MTHFD1: variants seen among roughly 807,000 people sequenced by gnomAD.
MTHFD1 encodes the protein methylenetetrahydrofolate dehydrogenase, cyclohydrolase and formyltetrahydrofolate synthetase 1.
In MTHFD1, 44 loss-of-function variants were observed where a neutral mutation model predicts 110.3. The observed-to-expected ratio is 0.40, with a 90% CI of 0.31 to 0.51. MTHFD1 has a LOEUF of 0.51. MTHFD1 is among the 20% of genes least tolerant of loss of function. The pLI, the probability that MTHFD1 is intolerant of heterozygous loss-of-function variation, is 0.60. For synonymous variants in MTHFD1, 402 were observed against 428.8 expected, an observed-to-expected ratio of 0.94 and a Z score of 0.77; for missense variants, 909 against 1,173.1, an observed-to-expected ratio of 0.77 and a Z score of 3.29.
chr14:64,422,059 G>A (rs1394567208), intron 8 of MTHFD1, among the ~76,000 whole-genome samples: 1 of 152,086 alleles, frequency 6.6e-6, no homozygotes, highest in Non-Finnish European at 1.5e-5. Flanking sequence ...GGTAGGAAAT[G>A]TTGACTTAAA....
chr14:64,415,724 C>T lies in MTHFD1; in HGVS notation c.463C>T (p.Leu155Phe). Residue 155 changes from leucine to phenylalanine, a missense_variant, in exon 6 of 28, where the codon CTC becomes TTC. Physicochemically the swap from Leu to Phe is conservative, Grantham distance 22. This residue lies in a region of MTHFD1 where 424 missense variants were observed against 510.4 expected (regional missense o/e 0.83). Transcript: ENST00000652337. ...IPCTPKGCLE[L>F]IKETGVPIAG... The stretch of plus-strand genomic sequence containing the variant: ...TTGTACGCCTAAGGGATGCTTGGAA[C>T]TCATCAAAGAGACAGGTAAAAACAA... The T allele has an allele frequency of 6.2e-7, 1 of 1,614,052 alleles. No homozygotes were observed. The highest frequency in any genetic ancestry group is 1.1e-5 in the South Asian group (1 of 91,072).
At position 64,443,178 on chromosome 14, in the gene MTHFD1, A is replaced by G. The variant is rs537357846; in HGVS notation, c.2136+776A>G. ...TTTTGGTCAGGGTTTGTCCTAATGT[A>G]GCAGTTCTCTGTTTTGGCCTCAGAA... On this transcript the variant is annotated intron_variant, in intron 21 of 27. Coordinates refer to ENST00000652337, the MANE Select transcript of MTHFD1 (RefSeq NM_005956.4). Among the ~76,000 whole-genome samples, 4 of 152,362 alleles carry G rather than the reference A, an allele frequency of 2.6e-5. No homozygotes were observed. The East Asian group carries it at 7.7e-4, about 29-fold the overall frequency.
chr14:64,388,498 G>C, intron 1 of MTHFD1, 30 bp downstream of exon 1: 3 of 1,605,810 alleles, frequency 1.9e-6, no homozygotes, highest in Non-Finnish European at 2.6e-6. Flanking sequence ...GTTGAGTGTG[G>C]GGCTGTGGAC....
At chr14:64,424,725 TCTG>T (rs1359574899) in intron 8 of MTHFD1, 76 bp from the exon 9 acceptor site, 5 of 1,533,228 alleles carry the variant, frequency 3.3e-6, no homozygotes, top group Non-Finnish European at 4.5e-6. Context: ...ACCCTACAAT[TCTG>T]CTGAGTTTTT....
chr14:64,423,197 A>G (rs757789382), intron 8 of MTHFD1, among the ~76,000 whole-genome samples: 24 of 152,068 alleles, frequency 1.6e-4, no homozygotes, highest in Non-Finnish European at 2.9e-4. Context: ...CATCCCAATG[A>G]GTTGTGTTGA....
chr14:64,454,812 T>C lies in MTHFD1; in HGVS notation c.2655T>C (p.Ile885=), dbSNP rs1177823217. The stretch of plus-strand genomic sequence containing the variant: ...AAAAAGGTGTCCCTACAGGCTTCAT[T>C]CTGCCCATTCGCGACATCCGCGCCA... The part of the protein sequence containing the change: ...PEQKGVPTGF[I]LPIRDIRASV... Residue 885 remains isoleucine (I), a synonymous_variant, in exon 26 of 28, where the codon ATT becomes ATC. Coordinates refer to ENST00000652337, the MANE Select transcript of MTHFD1 (RefSeq NM_005956.4). 1.2e-5 allele frequency: 19 copies of C among 1,614,112 alleles called. No homozygotes were observed. The highest frequency in any genetic ancestry group is 1.6e-5 in the Non-Finnish European group (19 of 1,180,046).
intron 2 of MTHFD1, among the ~76,000 whole-genome samples, chr14:64,404,349 TCC>T (rs2077921838): frequency 6.6e-6 from 1 of 152,200 alleles, no homozygotes; most frequent in African/African-American, 2.4e-5. Context: ...TGAGATCTCT[TCC>T]CCATCTTATT....
chr14:64,425,843 T>C lies in MTHFD1; in HGVS notation c.953+16T>C, dbSNP rs1199790126. 6.2e-7 allele frequency: 1 copy of C among 1,610,296 alleles called. No homozygotes were observed. The highest frequency in any genetic ancestry group is 8.5e-7 in the Non-Finnish European group (1 of 1,176,602). On this transcript the variant is annotated intron_variant, in intron 10 of 27. Transcript: ENST00000652337. Reference sequence around the variant, plus strand: ...CTGTTCCAAGGTAAAAATAAAGTTTTACTGATTTAAAACTTTGTGAATTGT... The same window carrying C: ...CTGTTCCAAGGTAAAAATAAAGTTTCACTGATTTAAAACTTTGTGAATTGT...
intron 19 of MTHFD1, 143 bp from the exon 20 acceptor site, chr14:64,441,911 C>T: frequency 1.4e-6 from 1 of 709,240 alleles, no homozygotes; most frequent in Non-Finnish European, 2.6e-6. Context: ...TGGGACGTTA[C>T]TGAAATAAAA....
chr14:64,411,838 T>C (rs1164498273), intron 3 of MTHFD1, among the ~76,000 whole-genome samples: 1 of 151,216 alleles, frequency 6.6e-6, no homozygotes, highest in African/African-American at 2.4e-5. Flanking sequence ...GAGGCGGAGG[T>C]TGTGGTGAGC....
At chr14:64,393,011 G>C (rs993904119) in intron 1 of MTHFD1, among the ~76,000 whole-genome samples, 1 of 152,208 alleles carries the variant, frequency 6.6e-6, no homozygotes. Flanking sequence ...GCTTACCATA[G>C]TGAAGGGCAG....
intron 12 of MTHFD1, among the ~76,000 whole-genome samples, chr14:64,428,324 C>A (rs148413275): frequency 0.051 from 7,683 of 151,560 alleles, 352 homozygotes; most frequent in African/African-American, 0.13. Flanking sequence ...CCATTTTGGC[C>A]AGGCTGGTCT....
At chr14:64,440,091 A>G in intron 17 of MTHFD1, 35 bp from the exon 18 acceptor site, 1 of 1,600,398 alleles carries the variant, frequency 6.2e-7, no homozygotes, top group Non-Finnish European at 8.5e-7. Flanking sequence ...GTTTAACACA[A>G]AGTTTTTGCT....
chr14:64,416,054 T>G (rs1596539595), intron 6 of MTHFD1, among the ~76,000 whole-genome samples: 1 of 151,954 alleles, frequency 6.6e-6, no homozygotes, highest in Non-Finnish European at 1.5e-5. Context: ...ACCAGCCTGG[T>G]CAACATGGTG....
In MTHFD1 at chr14:64,426,142, A is replaced by G; in HGVS notation, c.1077A>G (p.Ala359=). Residue 359 remains alanine (A), a synonymous_variant, in exon 11 of 28, where the codon GCA becomes GCG. Coordinates refer to ENST00000652337, the MANE Select transcript of MTHFD1 (RefSeq NM_005956.4). ...GETKAKVLLS[A]LERLKHRPDG... ...CAAAGGCCAAAGTTCTGCTGTCAGCACTAGAACGCCTGAAGCACCGGCCTG... is the reference window on the plus strand; with the variant it reads ...CAAAGGCCAAAGTTCTGCTGTCAGCGCTAGAACGCCTGAAGCACCGGCCTG... 6.2e-7 allele frequency: 1 copy of G among 1,614,174 alleles called. No individual in the cohort carries two copies. Among genetic ancestry groups the G allele is most frequent in the African/African-American group, 1.3e-5 (1 of 75,042 alleles).
At chr14:64,448,689 A>C (rs1475892800) in intron 23 of MTHFD1, 4 of 281,190 alleles carry the variant, frequency 1.4e-5, no homozygotes, top group African/African-American at 2.2e-5. Context: ...AGAATTGGGC[A>C]TATTACTCTG....
chr14:64,427,572 T>A, intron 12 of MTHFD1, 99 bp downstream of exon 12: 1 of 1,150,274 alleles, frequency 8.7e-7, no homozygotes, highest in Non-Finnish European at 1.3e-6. Context: ...GGTCTTCAAC[T>A]CATTTCAACA....
At position 64,453,831 on chromosome 14, in the gene MTHFD1, T is replaced by C; in HGVS notation, c.2535T>C (p.Ala845=). 1 of 1,611,858 alleles carries C rather than the reference T, an allele frequency of 6.2e-7. No individual in the cohort carries two copies. The highest frequency in any genetic ancestry group is 8.5e-7 in the Non-Finnish European group (1 of 1,177,986). ...ATGACATTGAATTACTTCCCGAAGCTCAACACAAAGCTGAAGTCTACACGA... is the reference window on the plus strand; with the variant it reads ...ATGACATTGAATTACTTCCCGAAGCCCAACACAAAGCTGAAGTCTACACGA... The part of the protein sequence containing the change: ...GADDIELLPE[A]QHKAEVYTKQ... The change falls in exon 25 of 28, where the codon GCT becomes GCC. Residue 845 remains alanine (A), a synonymous_variant. Transcript: ENST00000652337.
At chr14:64,443,487 T>C (rs1241320449) in intron 21 of MTHFD1, among the ~76,000 whole-genome samples, 1 of 152,178 alleles carries the variant, frequency 6.6e-6, no homozygotes, top group Non-Finnish European at 1.5e-5. Flanking sequence ...AATGAGAGAA[T>C]GATAATGAGA....
Sources: gnomAD v4.1 joint callset for allele counts (sites outside exome capture counted in the v4.1 genomes callset) on GRCh38, gnomAD v4.1.1 for gene constraint, gnomAD v4.1.1 regional missense constraint, MANE v1.5 for transcripts, NCBI Gene and HGNC (gene_info 2026-07-23, HGNC 2026-07-21) for gene names.